PDZD2: variants seen among roughly 807,000 people sequenced by gnomAD.
PDZD2 encodes PDZ domain containing 2.
In PDZD2, 90 loss-of-function variants were observed where a neutral mutation model predicts 220.7. The observed-to-expected ratio is 0.41, with a 90% CI of 0.34 to 0.49. The LOEUF (loss-of-function observed/expected upper bound fraction) is 0.49. PDZD2 is among the 20% of genes least tolerant of loss of function. The pLI, the probability that PDZD2 is intolerant of heterozygous loss-of-function variation, is 0.28. For synonymous variants in PDZD2, 1,375 were observed against 1,450.5 expected, an observed-to-expected ratio of 0.95 and a Z score of 1.18; for missense variants, 3,174 against 3,608.5, an observed-to-expected ratio of 0.88 and a Z score of 3.08.
At chr5:31,754,996 T>G (rs191358986) in intron 1 of PDZD2, among the ~76,000 whole-genome samples, 1 of 152,164 alleles carries the variant, frequency 6.6e-6, no homozygotes, top group Non-Finnish European at 1.5e-5. Context: ...AAACTCAACA[T>G]TGATGTTATA....
At chr5:31,760,901 G>A (rs745826763) in intron 1 of PDZD2, among the ~76,000 whole-genome samples, 14 of 152,116 alleles carry the variant, frequency 9.2e-5, no homozygotes, top group African/African-American at 3.1e-4. Context: ...CAGCCTGGGC[G>A]ATGAGAGCGA....
At chr5:31,707,447 G>A (rs1747886042) in intron 1 of PDZD2, among the ~76,000 whole-genome samples, 1 of 152,140 alleles carries the variant, frequency 6.6e-6, no homozygotes, top group African/African-American at 2.4e-5. Context: ...CAAGCCAGGA[G>A]GAGCCGCCTC....
intron 23 of PDZD2, chr5:32,100,437 C>G (rs1459969289): frequency 4.5e-6 from 1 of 221,464 alleles, no homozygotes; most frequent in African/African-American, 2.3e-5. Context: ...CCCACTATCC[C>G]GAAACCAGCA....
intron 2 of PDZD2, among the ~76,000 whole-genome samples, chr5:31,936,769 G>T (rs1745773333): frequency 6.6e-6 from 1 of 152,116 alleles, no homozygotes; most frequent in Non-Finnish European, 1.5e-5. Context: ...ACTAATTTTT[G>T]CTGGCTTTTG....
At chr5:31,754,133 G>T (rs1189628163) in intron 1 of PDZD2, 1 of 152,228 alleles carries the variant, frequency 6.6e-6, no homozygotes, top group African/African-American at 2.4e-5. Context: ...AGTTTAAATT[G>T]TAGGTTTAAT....
chr5:31,752,723 GT>G (rs1295331662), intron 1 of PDZD2, among the ~76,000 whole-genome samples: 3 of 152,074 alleles, frequency 2.0e-5, no homozygotes, highest in East Asian at 3.9e-4. Context: ...CCTTGAGCAG[GT>G]TTCTCTTGAT....
intron 2 of PDZD2, among the ~76,000 whole-genome samples, chr5:31,978,396 C>T (rs765607388): frequency 1.5e-4 from 23 of 152,206 alleles, no homozygotes; most frequent in African/African-American, 5.3e-4. Flanking sequence ...ATGGAGAATG[C>T]GGAGGCCTCA....
At chr5:31,845,577 A>C (rs62360840) in intron 2 of PDZD2, among the ~76,000 whole-genome samples, 11,760 of 152,258 alleles carry the variant, frequency 0.077, 569 homozygotes, top group Middle Eastern at 0.14. Context: ...ATTTGTGGGC[A>C]AACAGTGAGT....
intron 1 of PDZD2, among the ~76,000 whole-genome samples, chr5:31,792,892 G>A (rs900138735): frequency 6.6e-6 from 1 of 152,024 alleles, no homozygotes; most frequent in Non-Finnish European, 1.5e-5. Context: ...AGGCTGGAGT[G>A]CAGTGGTGTG....
chr5:31,861,799 G>C (rs1481632939), intron 2 of PDZD2, among the ~76,000 whole-genome samples: 3 of 152,126 alleles, frequency 2.0e-5, no homozygotes, highest in East Asian at 3.9e-4. Flanking sequence ...AAGTTTTGAA[G>C]ATGAAACAAG....
chr5:31,928,216 T>C (rs4867399), intron 2 of PDZD2, among the ~76,000 whole-genome samples: 113,406 of 152,078 alleles, frequency 0.75, 42,816 homozygotes, highest in East Asian at 0.94. Context: ...TATTTCACTA[T>C]AAAAAGATGG....
At chr5:31,786,693 G>A (rs2150215274) in intron 1 of PDZD2, among the ~76,000 whole-genome samples, 1 of 152,274 alleles carries the variant, frequency 6.6e-6, no homozygotes, top group East Asian at 1.9e-4. Flanking sequence ...GAATGCCAGA[G>A]CTGGAAAGAA....
At chr5:32,084,722 C>T (rs1421381261) in intron 19 of PDZD2, among the ~76,000 whole-genome samples, 1 of 152,098 alleles carries the variant, frequency 6.6e-6, no homozygotes, top group African/African-American at 2.4e-5. Context: ...TAGCTTTGTT[C>T]TTTCTGATGC....
At chr5:31,997,836 T>C (rs1581239045) in intron 4 of PDZD2, among the ~76,000 whole-genome samples, 1 of 151,560 alleles carries the variant, frequency 6.6e-6, no homozygotes, top group Middle Eastern at 3.4e-3. Context: ...GAAAAGGGAG[T>C]GGGGATGGTC....
intron 14 of PDZD2, among the ~76,000 whole-genome samples, chr5:32,063,437 A>G (rs1739885998): frequency 6.6e-6 from 1 of 152,198 alleles, no homozygotes. Context: ...CCTGGGTACC[A>G]CCAGCCCATG....
At chr5:31,640,965 C>A (rs1044067767) in intron 1 of PDZD2, among the ~76,000 whole-genome samples, 5 of 152,128 alleles carry the variant, frequency 3.3e-5, no homozygotes, top group Non-Finnish European at 7.4e-5. Flanking sequence ...AGTTAATATG[C>A]TCCTGGAAAA....
intron 14 of PDZD2, among the ~76,000 whole-genome samples, chr5:32,064,958 A>T (rs1189990874): frequency 6.6e-6 from 1 of 151,948 alleles, no homozygotes; most frequent in Non-Finnish European, 1.5e-5. Flanking sequence ...ACAGAGCAAG[A>T]CTTTGTCTCA....
intron 1 of PDZD2, among the ~76,000 whole-genome samples, chr5:31,729,179 C>T (rs897159094): frequency 7.1e-5 from 10 of 140,082 alleles, no homozygotes; most frequent in Non-Finnish European, 1.4e-4. Flanking sequence ...TCTCGGCTAA[C>T]TGCAACCTCC....
At chr5:31,756,933 A>G (rs1751336656) in intron 1 of PDZD2, among the ~76,000 whole-genome samples, 2 of 152,204 alleles carry the variant, frequency 1.3e-5, no homozygotes, top group African/African-American at 4.8e-5. Flanking sequence ...ACCACTATAT[A>G]CATTTTGGAA....
Sources: gnomAD v4.1 joint callset for allele counts (sites outside exome capture counted in the v4.1 genomes callset) on GRCh38, gnomAD v4.1.1 for gene constraint, MANE v1.5 for transcripts, NCBI Gene and HGNC (gene_info 2026-07-23, HGNC 2026-07-21) for gene names.